LIN28B: variants seen among roughly 807,000 people sequenced by gnomAD.
LIN28B encodes protein lin-28 homolog B.
In LIN28B, 5 loss-of-function variants were observed where a neutral mutation model predicts 21.9. That is an observed-to-expected ratio of 0.23 (90% CI 0.12 to 0.48). LIN28B has a LOEUF of 0.48. Among genes scored for constraint, LIN28B ranks in the 20% least tolerant of loss-of-function variants. The pLI is 0.98. For missense variants in LIN28B, 245 were observed against 310.5 expected (o/e 0.79, Z 1.58); for synonymous variants, 109 against 111.3 (o/e 0.98, Z 0.13).
chr6:105,029,359 GAGTGGGTGAC>G (rs1473203849), intron 3 of LIN28B, among the ~76,000 whole-genome samples: 2 of 152,180 alleles, frequency 1.3e-5, no homozygotes. Context: ...TGATTTCCTT[GAGTGGGTGAC>G]AGTATTGGGA....
At position 105,080,065 on chromosome 6, in the gene LIN28B, A is replaced by G. The variant is rs192220154; in HGVS notation, c.*1282A>G. 33 of 152,382 alleles carry G rather than the reference A, an allele frequency of 2.2e-4. No individual in the cohort carries two copies. Among genetic ancestry groups the G allele is most frequent in the Admixed American group, 6.5e-4 (10 of 15,302 alleles). 9.4% of individuals were successfully genotyped at this position (152,382 alleles called of 1,614,324 possible). On this transcript the variant is annotated 3_prime_UTR_variant, in exon 4 of 4. Coordinates refer to ENST00000345080, the MANE Select transcript of LIN28B (RefSeq NM_001004317.4). ...TTTGATCTTATGGAAGTGACCTTCA[A>G]TGCTTATTCTGAAGTAACCTATATG...
At chr6:105,022,277 G>T (rs1438396855) in intron 2 of LIN28B, among the ~76,000 whole-genome samples, 1 of 152,092 alleles carries the variant, frequency 6.6e-6, no homozygotes, top group Non-Finnish European at 1.5e-5. Context: ...GCCTTCTGAA[G>T]ATTCACTAAA....
intron 2 of LIN28B, among the ~76,000 whole-genome samples, chr6:104,971,083 A>G (rs576124526): frequency 1.1e-4 from 17 of 152,302 alleles, no homozygotes; most frequent in Non-Finnish European, 2.2e-4. Flanking sequence ...TTTAGTGAAC[A>G]GTATAACTGT....
At chr6:105,025,176 C>T (rs1771263801) in intron 2 of LIN28B, among the ~76,000 whole-genome samples, 1 of 152,146 alleles carries the variant, frequency 6.6e-6, no homozygotes, top group Admixed American at 6.5e-5. Context: ...ATTTAAAGAA[C>T]TGGACTTGAA....
chr6:105,075,607 C>G (rs925535996), intron 3 of LIN28B, among the ~76,000 whole-genome samples: 1 of 152,184 alleles, frequency 6.6e-6, no homozygotes. Flanking sequence ...GGTGAATTAA[C>G]TATGCAGATC....
chr6:104,954,183 AAC>A (rs967940260), upstream of LIN28B, among the ~76,000 whole-genome samples: 1 of 152,182 alleles, frequency 6.6e-6, no homozygotes, highest in South Asian at 2.1e-4. Context: ...TTTTGAGTCA[AAC>A]ACAGGTCTTT....
chr6:105,075,104 T>G (rs1054910327), intron 3 of LIN28B, among the ~76,000 whole-genome samples: 2 of 152,244 alleles, frequency 1.3e-5, no homozygotes, highest in Middle Eastern at 3.2e-3. Flanking sequence ...ATTTTTTATG[T>G]TGGACTATGG....
At chr6:104,997,599 A>G (rs1437632379) in intron 2 of LIN28B, among the ~76,000 whole-genome samples, 2 of 151,614 alleles carry the variant, frequency 1.3e-5, no homozygotes, top group African/African-American at 2.4e-5. Context: ...AAGTTGCAAT[A>G]TAGACCTGAC....
chr6:105,033,380 G>A (rs935061408), intron 3 of LIN28B, among the ~76,000 whole-genome samples: 1 of 151,942 alleles, frequency 6.6e-6, no homozygotes, highest in Non-Finnish European at 1.5e-5. Flanking sequence ...CATATTTTGT[G>A]AAGAGTTACT....
At chr6:104,960,722 G>C (rs1465935059) in intron 2 of LIN28B, among the ~76,000 whole-genome samples, 1 of 151,892 alleles carries the variant, frequency 6.6e-6, no homozygotes. Flanking sequence ...GAGGAACCTA[G>C]GATACTTTTT....
intron 2 of LIN28B, among the ~76,000 whole-genome samples, chr6:104,995,386 A>G (rs1770577250): frequency 6.6e-6 from 1 of 152,190 alleles, no homozygotes; most frequent in African/African-American, 2.4e-5. Context: ...TCGGAGAGAC[A>G]GAAGCATGAG....
chr6:105,055,991 G>A (rs1012902276), intron 3 of LIN28B, among the ~76,000 whole-genome samples: 4 of 142,462 alleles, frequency 2.8e-5, no homozygotes, highest in Admixed American at 7.5e-5. Flanking sequence ...GAACTCCTGG[G>A]CTCAAGCAGT....
At chr6:104,956,599 T>C (rs1778293811), upstream of LIN28B, among the ~76,000 whole-genome samples, 1 of 152,228 alleles carries the variant, frequency 6.6e-6, no homozygotes, top group Non-Finnish European at 1.5e-5. Flanking sequence ...TAATTAGGTT[T>C]AATTAGATCT....
intron 2 of LIN28B, among the ~76,000 whole-genome samples, chr6:104,944,187 A>G (rs1035449370): frequency 2.6e-5 from 4 of 152,126 alleles, no homozygotes; most frequent in African/African-American, 4.8e-5. Context: ...TGATAGAGAA[A>G]TGTTATCCCT....
At chr6:105,002,314 A>T (rs976866359) in intron 2 of LIN28B, among the ~76,000 whole-genome samples, 6 of 152,010 alleles carry the variant, frequency 3.9e-5, no homozygotes, top group African/African-American at 1.5e-4. Context: ...GGATGAAGAA[A>T]ATACATTTTA....
At chr6:105,044,829 G>C (rs937764542) in intron 3 of LIN28B, among the ~76,000 whole-genome samples, 5 of 152,106 alleles carry the variant, frequency 3.3e-5, no homozygotes, top group African/African-American at 4.8e-5. Flanking sequence ...CTACCCAATG[G>C]AAATGATCTT....
intron 2 of LIN28B, among the ~76,000 whole-genome samples, chr6:104,938,928 C>G (rs570666158): frequency 5.3e-5 from 8 of 151,926 alleles, no homozygotes; most frequent in African/African-American, 1.9e-4. Flanking sequence ...GGATACTAAC[C>G]CTGGGTTGTG....
At chr6:105,017,888 CAAAT>C (rs931520713) in intron 2 of LIN28B, among the ~76,000 whole-genome samples, 15 of 152,020 alleles carry the variant, frequency 9.9e-5, no homozygotes, top group Admixed American at 3.3e-4. Context: ...CCCTAAATCT[CAAAT>C]AAAGAAGTTG....
At chr6:104,941,238 C>G (rs2114539251) in intron 2 of LIN28B, 1 of 152,336 alleles carries the variant, frequency 6.6e-6, no homozygotes, top group East Asian at 1.9e-4. Flanking sequence ...GAAGCCGGCG[C>G]GCCGCGTCTT....
Sources: gnomAD v4.1 joint callset for allele counts (sites outside exome capture counted in the v4.1 genomes callset) on GRCh38, gnomAD v4.1.1 for gene constraint, MANE v1.5 for transcripts, NCBI Gene and HGNC (gene_info 2026-07-23, HGNC 2026-07-21) for gene names.